Variants in CACNA1C observed in about 807,000 individuals in gnomAD.
The protein encoded by CACNA1C is calcium voltage-gated channel subunit alpha1 C.
CACNA1C carries 30 observed loss-of-function variants against 229.0 expected under a neutral mutation model. That is an observed-to-expected ratio of 0.13 (90% CI 0.10 to 0.18). The LOEUF (loss-of-function observed/expected upper bound fraction) is 0.18. Among genes scored for constraint, CACNA1C ranks in the 10% least tolerant of loss-of-function variants. The pLI is 1.00. For synonymous variants in CACNA1C, 1,114 were observed against 1,132.5 expected, an observed-to-expected ratio of 0.98 and a Z score of 0.33; for missense variants, 1,658 against 2,845.0, an observed-to-expected ratio of 0.58 and a Z score of 9.49.
intron 3 of CACNA1C, among the ~76,000 whole-genome samples, chr12:2,225,312 G>A (rs1260292948): frequency 6.6e-6 from 1 of 152,108 alleles, no homozygotes; most frequent in Non-Finnish European, 1.5e-5. Flanking sequence ...TTCTTAAAAA[G>A]GCAGAAACTA....
At chr12:2,628,554 C>G (rs534017879) in intron 29 of CACNA1C, among the ~76,000 whole-genome samples, 1 of 152,238 alleles carries the variant, frequency 6.6e-6, no homozygotes, top group South Asian at 2.1e-4. Context: ...TGTTCAGTCC[C>G]ACACCCAAAA....
At chr12:2,517,020 T>C (rs944268958) in intron 9 of CACNA1C, among the ~76,000 whole-genome samples, 2 of 152,144 alleles carry the variant, frequency 1.3e-5, no homozygotes, top group African/African-American at 2.4e-5. Context: ...ACAGGACTCC[T>C]AAAGGCATGG....
rs11062227 is a variant in CACNA1C at position 2,434,318 on chromosome 12, A to G, written c.478-14658A>G. On this transcript the variant is annotated intron_variant, in intron 3 of 46. Transcript: ENST00000399655. ...CTTCTCAGACACCCTGGAATTCTAG[A>G]ACCACTAGGGGTTGGGGAAAGGGAC... 3.7e-4 allele frequency among the ~76,000 whole-genome samples: 57 copies of G among 152,328 alleles called. No homozygotes were observed. The East Asian group carries it at 0.011, about 28-fold the overall frequency.
Position 2,692,480 on chromosome 12 carries a change from G to A in CACNA1C, c.*1281G>A, listed in dbSNP as rs2097799473. 1 of 152,614 alleles carries A rather than the reference G, an allele frequency of 6.6e-6. No homozygotes were observed. Among genetic ancestry groups the A allele is most frequent in the South Asian group, 2.1e-4 (1 of 4,830 alleles). The allele number at this position is 152,614 out of a possible 1,614,324, so 9.5% of individuals were successfully genotyped here. On this transcript the variant is annotated 3_prime_UTR_variant, in exon 47 of 47. Transcript: ENST00000399655. ...AGTGACTACGCAGTCCCCCCTTTCT[G>A]GTTTAGCTGTGGGAAGATCTGAATC...
Position 2,550,024 on chromosome 12 carries a change from C to G in CACNA1C, c.1472C>G (p.Ala491Gly), listed in dbSNP as rs777785794. Residue 491 changes from alanine to glycine, a missense_variant, in exon 10 of 47, where the codon GCC (alanine) becomes GGC (glycine). Physicochemically the swap from Ala to Gly is moderately conservative, Grantham distance 60 (BLOSUM62 0). This residue lies in a region of CACNA1C where 149 missense variants were observed against 194.2 expected (regional missense o/e 0.77). Transcript: ENST00000399655. ...GACATCGAGGGAGAAAACTGCGGGG[C>G]CAGGCTGGCGTGAGTAGGCACGGCG... ...GGDIEGENCG[A>G]RLAHRISKSK... 3 of 1,603,474 alleles carry G rather than the reference C, an allele frequency of 1.9e-6. No individual in the cohort carries two copies. The highest frequency in any genetic ancestry group is 4.5e-5 in the East Asian group (2 of 44,466).
chr12:2,015,505 C>A (rs945092907), intron 1 of CACNA1C, among the ~76,000 whole-genome samples: 2 of 152,158 alleles, frequency 1.3e-5, no homozygotes, highest in South Asian at 4.1e-4. Context: ...GCTTCAGCCA[C>A]CTCTTTGTAC....
At chr12:2,171,230 T>C (rs1392139109) in intron 3 of CACNA1C, among the ~76,000 whole-genome samples, 1 of 151,884 alleles carries the variant, frequency 6.6e-6, no homozygotes. Context: ...GTGAGAGGAG[T>C]GTCTGATGGA....
chr12:2,258,954 G>T (rs116458536), intron 3 of CACNA1C, among the ~76,000 whole-genome samples: 1 of 152,150 alleles, frequency 6.6e-6, no homozygotes, highest in African/African-American at 2.4e-5. Flanking sequence ...ATTAACATAT[G>T]TGTTTTCAAA....
rs1339717593 is a variant in CACNA1C, at chr12:2,467,267, G to A, written c.757+9561G>A. ...GTTCCTGAATCCGAATGTCTGGGTG[G>A]GAGGGGACTAGGCTAGTACAACTGA... On this transcript the variant is annotated intron_variant, in intron 5 of 46. Transcript: ENST00000399655. This position sits in a 1 kb window ranked among gnomAD's most constrained non-coding sequence, Gnocchi z 4.6. Among the ~76,000 whole-genome samples, 2 of 152,214 alleles carry A rather than the reference G, an allele frequency of 1.3e-5. No individual in the cohort carries two copies. The highest frequency in any genetic ancestry group is 3.9e-4 in the East Asian group (2 of 5,182).
rs1320219936 is a variant in CACNA1C, at chr12:2,653,256, A to G, written c.4075-579A>G. Among the ~76,000 whole-genome samples the G allele has an allele frequency of 1.3e-5, 2 of 152,122 alleles. No homozygotes were observed. Among genetic ancestry groups the G allele is most frequent in the African/African-American group, 4.8e-5 (2 of 41,422 alleles). On this transcript the variant is annotated intron_variant, in intron 32 of 46. Coordinates refer to ENST00000399655, the MANE Select transcript of CACNA1C (RefSeq NM_000719.7). The surrounding 1 kb of genome is among the most constrained non-coding windows in gnomAD (Gnocchi z 4.7). ...GCTGAGAGGTATTATTATTGTTTCC[A>G]TTTTTCTGATGAGGAGACTGAAGTT...
intron 3 of CACNA1C, among the ~76,000 whole-genome samples, chr12:2,415,742 T>C (rs747632878): frequency 2.0e-5 from 3 of 152,150 alleles, no homozygotes; most frequent in Non-Finnish European, 4.4e-5. Flanking sequence ...GCGGCTCTCA[T>C]TGAGCAGCTA....
Position 2,404,587 on chromosome 12 carries a change from T to C in CACNA1C, c.478-44389T>C, listed in dbSNP as rs548466252. ...GAAGCTGGCTTGCTGTGCACGCCTC[T>C]CCTAACATGGACTCTCCTCAAGTGC... On this transcript the variant is annotated intron_variant, in intron 3 of 46. Transcript: ENST00000399655. 2.6e-5 allele frequency among the ~76,000 whole-genome samples: 4 copies of C among 152,262 alleles called. No individual in the cohort carries two copies. The East Asian group carries it at 5.8e-4, about 22-fold the overall frequency.
At chr12:2,142,275 A>G (rs1293798862) in intron 3 of CACNA1C, among the ~76,000 whole-genome samples, 2 of 151,068 alleles carry the variant, frequency 1.3e-5, no homozygotes, top group African/African-American at 2.4e-5. Context: ...CCATAAAACT[A>G]TCACGGAGCC....
chr12:2,373,061 G>A (rs939310740), intron 3 of CACNA1C, among the ~76,000 whole-genome samples: 4 of 152,220 alleles, frequency 2.6e-5, no homozygotes, highest in African/African-American at 9.7e-5. Context: ...GGTCTGTGGC[G>A]GGAGAAGTGA....
chr12:1,972,813 G>C (rs1592847769), intron 1 of CACNA1C, among the ~76,000 whole-genome samples: 1 of 152,092 alleles, frequency 6.6e-6, no homozygotes, highest in Non-Finnish European at 1.5e-5. Flanking sequence ...ATGAAGGGAG[G>C]GGGGAGATCA....
At chr12:2,175,223 C>G (rs772488960) in intron 3 of CACNA1C, among the ~76,000 whole-genome samples, 1 of 152,148 alleles carries the variant, frequency 6.6e-6, no homozygotes, top group East Asian at 1.9e-4. Context: ...CTTATTATGT[C>G]GAAATATCTT....
Position 2,348,041 on chromosome 12 carries a change from G to A in CACNA1C, c.478-100935G>A, listed in dbSNP as rs932230838. On this transcript the variant is annotated intron_variant, in intron 3 of 46. Transcript: ENST00000399655. This position sits in a 1 kb window ranked among gnomAD's most constrained non-coding sequence, Gnocchi z 4.7. ...AGCCAGTGCCAGCTGGGAAATCTGT[G>A]AGGTCTCCCTGAGGAAGCTTGTCCT... Among the ~76,000 whole-genome samples, 4 of 152,230 alleles carry A rather than the reference G, an allele frequency of 2.6e-5. No homozygotes were observed. The highest frequency in any genetic ancestry group is 1.9e-4 in the East Asian group (1 of 5,190).
intron 9 of CACNA1C, among the ~76,000 whole-genome samples, chr12:2,522,349 A>C (rs1214596863): frequency 6.6e-6 from 1 of 152,240 alleles, no homozygotes; most frequent in Admixed American, 6.5e-5. Flanking sequence ...CCAAAAACAC[A>C]TAATGAATTG....
intron 13 of CACNA1C, among the ~76,000 whole-genome samples, chr12:2,574,231 G>A (rs189586868): frequency 9.7e-4 from 147 of 152,274 alleles, no homozygotes; most frequent in African/African-American, 3.2e-3. Context: ...GCCCCAGTAC[G>A]GTGGGCCTTC....
Sources: gnomAD v4.1 joint callset for allele counts (sites outside exome capture counted in the v4.1 genomes callset) on GRCh38, gnomAD v4.1.1 for gene constraint, gnomAD v4.1.1 regional missense constraint, Gnocchi (gnomAD v3.1) non-coding constraint, MANE v1.5 for transcripts, NCBI Gene and HGNC (gene_info 2026-07-23, HGNC 2026-07-21) for gene names.